Variants in PAPPA2 observed in about 807,000 individuals in gnomAD.
PAPPA2 encodes the protein pappalysin 2.
PAPPA2 carries 86 observed loss-of-function variants against 176.4 expected under a neutral mutation model. The ratio of observed to expected loss-of-function variants is 0.49; its 90% CI spans 0.41 to 0.58. The LOEUF (loss-of-function observed/expected upper bound fraction) is 0.58. Among genes scored for constraint, PAPPA2 ranks in the 20% least tolerant of loss-of-function variants. PAPPA2 has a pLI of 0.00. For missense variants in PAPPA2, 2,073 were observed against 2,256.9 expected, an observed-to-expected ratio of 0.92 and a Z score of 1.65; for synonymous variants, 809 against 852.2, an observed-to-expected ratio of 0.95 and a Z score of 0.88.
intron 12 of PAPPA2, among the ~76,000 whole-genome samples, chr1:176,726,505 T>C (rs1410991297): frequency 1.3e-5 from 2 of 152,208 alleles, no homozygotes; most frequent in African/African-American, 4.8e-5. Context: ...ATGGGGAGCA[T>C]ATTGATAATA....
chr1:176,596,070 G>C (rs1653961772), intron 3 of PAPPA2, among the ~76,000 whole-genome samples: 1 of 152,222 alleles, frequency 6.6e-6, no homozygotes, highest in Admixed American at 6.5e-5. Flanking sequence ...AGTCTAAGCA[G>C]TTCAGCAGTT....
chr1:176,649,383 G>GTT (rs933761708), intron 3 of PAPPA2, among the ~76,000 whole-genome samples: 3 of 140,836 alleles, frequency 2.1e-5, no homozygotes, highest in African/African-American at 8.0e-5. Context: ...AAAAACTTTT[G>GTT]TTTTTTTTTT....
chr1:176,643,376 G>T (rs758568894), intron 3 of PAPPA2, among the ~76,000 whole-genome samples: 1 of 151,024 alleles, frequency 6.6e-6, no homozygotes, highest in Non-Finnish European at 1.5e-5. Flanking sequence ...AGCCTTTGCC[G>T]GTCTGCAAGC....
chr1:176,718,698 CTT>C (rs144689160), intron 12 of PAPPA2, among the ~76,000 whole-genome samples: 1 of 143,266 alleles, frequency 7.0e-6, no homozygotes, highest in Non-Finnish European at 1.5e-5. Flanking sequence ...TTTGGGGTAA[CTT>C]TTTTTTTTAA....
intron 4 of PAPPA2, among the ~76,000 whole-genome samples, chr1:176,679,363 T>G (rs578186901): frequency 1.3e-5 from 2 of 151,894 alleles, no homozygotes; most frequent in Non-Finnish European, 2.9e-5. Flanking sequence ...TCCAACTACT[T>G]AACAGGTGTC....
intron 3 of PAPPA2, among the ~76,000 whole-genome samples, chr1:176,627,037 A>G (rs1656068349): frequency 6.6e-6 from 1 of 151,324 alleles, no homozygotes; most frequent in African/African-American, 2.4e-5. Context: ...TGCCTTTTGT[A>G]TCTGAGGAGC....
chr1:176,505,549 G>C (rs1220832340), intron 1 of PAPPA2, among the ~76,000 whole-genome samples: 1 of 152,068 alleles, frequency 6.6e-6, no homozygotes, highest in African/African-American at 2.4e-5. Context: ...CTCAAGCCAA[G>C]TAGGGCAGAA....
At chr1:176,587,860 G>T (rs766491336) in intron 2 of PAPPA2, among the ~76,000 whole-genome samples, 1 of 152,140 alleles carries the variant, frequency 6.6e-6, no homozygotes, top group South Asian at 2.1e-4. Context: ...AAACCTGCAC[G>T]TTGTGCACAT....
chr1:176,771,191 T>C lies in PAPPA2; in HGVS notation c.4715+11T>C. On this transcript the variant is annotated intron_variant, in intron 17 of 22. Coordinates refer to ENST00000367662, the MANE Select transcript of PAPPA2 (RefSeq NM_020318.3). Reference sequence around the variant, plus strand: ...GGGTAAAGTCAGGAAGTAAGTTGAATGTTCCTGGTCTTTGGAGTTCTACCT... The same window carrying C: ...GGGTAAAGTCAGGAAGTAAGTTGAACGTTCCTGGTCTTTGGAGTTCTACCT... 1.9e-6 allele frequency: 3 copies of C among 1,612,178 alleles called. No individual in the cohort carries two copies. Among genetic ancestry groups the C allele is most frequent in the South Asian group, 2.2e-5 (2 of 91,044 alleles).
At chr1:176,536,704 C>T (rs1650081374) in intron 1 of PAPPA2, among the ~76,000 whole-genome samples, 1 of 152,132 alleles carries the variant, frequency 6.6e-6, no homozygotes, top group Non-Finnish European at 1.5e-5. Context: ...GAAAGCATGC[C>T]CAATCTTGCA....
At chr1:176,781,869 A>T (rs924356525) in intron 17 of PAPPA2, among the ~76,000 whole-genome samples, 2 of 152,180 alleles carry the variant, frequency 1.3e-5, no homozygotes, top group Non-Finnish European at 2.9e-5. Flanking sequence ...GCTAAAGTGT[A>T]TTCGGAGTGA....
chr1:176,481,010 C>T (rs1472705452), intron 1 of PAPPA2, among the ~76,000 whole-genome samples: 2 of 152,116 alleles, frequency 1.3e-5, no homozygotes, highest in Non-Finnish European at 2.9e-5. Context: ...CTTGTCACCT[C>T]GTTCTGCCCT....
In PAPPA2 at chr1:176,844,177, T is replaced by C. The variant is rs1225313899; in HGVS notation, c.*1723T>C. The stretch of plus-strand genomic sequence containing the variant: ...TTTTAGGAAGGCTGTGAGTGAGGCT[T>C]GTCTCCTTTAAAGTTTCTTCTCCAA... On this transcript the variant is annotated 3_prime_UTR_variant, in exon 23 of 23. Transcript: ENST00000367662. 6.6e-6 allele frequency: 1 copy of C among 152,134 alleles called. No individual in the cohort carries two copies. The highest frequency in any genetic ancestry group is 1.5e-5 in the Non-Finnish European group (1 of 68,006). The allele number at this position is 152,134 out of a possible 1,614,324, so 9.4% of individuals were successfully genotyped here.
chr1:176,679,386 C>A (rs560604441), intron 4 of PAPPA2, among the ~76,000 whole-genome samples: 6 of 152,150 alleles, frequency 3.9e-5, no homozygotes, highest in Admixed American at 3.9e-4. Context: ...ATCTCAAATA[C>A]CCCCAAATAC....
chr1:176,828,872 G>C (rs1432406517), intron 21 of PAPPA2, among the ~76,000 whole-genome samples: 1 of 151,938 alleles, frequency 6.6e-6, no homozygotes, highest in Non-Finnish European at 1.5e-5. Context: ...GCGTGGTGGT[G>C]GGCAGCTGTA....
rs1655275764 is a variant in PAPPA2 at position 176,616,594 on chromosome 1, G to A, written c.1991+20999G>A. 10 of 1,561,052 alleles carry A rather than the reference G, an allele frequency of 6.4e-6. 1 individual carries two copies. The highest frequency in any genetic ancestry group is 3.4e-5 in the Admixed American group (2 of 59,014). On this transcript the variant is annotated intron_variant, in intron 3 of 22. Coordinates refer to ENST00000367662, the MANE Select transcript of PAPPA2 (RefSeq NM_020318.3). The stretch of plus-strand genomic sequence containing the variant: ...GCACCATCACCAAAAGGCCAATTGA[G>A]AACATGGATACCTTCTTTCTCCACA...
chr1:176,770,510 G>T (rs1664175997), intron 16 of PAPPA2, among the ~76,000 whole-genome samples: 1 of 152,144 alleles, frequency 6.6e-6, no homozygotes, highest in South Asian at 2.1e-4. Context: ...CATAATAGGG[G>T]ATAATAATAG....
intron 4 of PAPPA2, among the ~76,000 whole-genome samples, chr1:176,676,923 T>A (rs187966799): frequency 6.6e-6 from 1 of 152,126 alleles, no homozygotes; most frequent in Admixed American, 6.6e-5. Context: ...GTCTCATGAA[T>A]CACTGACTTA....
At chr1:176,673,600 G>C (rs957231285) in intron 4 of PAPPA2, among the ~76,000 whole-genome samples, 1 of 152,112 alleles carries the variant, frequency 6.6e-6, no homozygotes, top group African/African-American at 2.4e-5. Flanking sequence ...GACAAATCAT[G>C]ACTTCTTGAT....
Sources: allele counts gnomAD v4.1 joint callset (sites outside exome capture counted in the v4.1 genomes callset), GRCh38; gene constraint gnomAD v4.1.1; transcripts MANE v1.5; gene names NCBI Gene and HGNC (gene_info 2026-07-23, HGNC 2026-07-21).